Variants in PHEX observed in about 807,000 individuals in gnomAD.
PHEX encodes the protein phosphate regulating endopeptidase X-linked, also known as phosphate-regulating neutral endopeptidase PHEX.
In PHEX, 16 loss-of-function variants were observed where a neutral mutation model predicts 68.0. That is an observed-to-expected ratio of 0.24 (90% CI 0.16 to 0.36). PHEX has a LOEUF of 0.36. Among genes scored for constraint, PHEX ranks in the 10% least tolerant of loss-of-function variants. PHEX has a pLI of 1.00. For missense variants in PHEX, 480 were observed against 575.5 expected, an observed-to-expected ratio of 0.83 and a Z score of 1.70; for synonymous variants, 208 against 205.1, an observed-to-expected ratio of 1.01 and a Z score of -0.12.
At chrX:22,247,146 A>G (rs1936415929) in intron 21 of PHEX, among the ~76,000 whole-genome samples, 1 of 112,559 alleles carries the variant, frequency 8.9e-6, no homozygotes, top group African/African-American at 3.2e-5. Context: ...GATACCATTC[A>G]TTAATTGACT....
intron 12 of PHEX, among the ~76,000 whole-genome samples, chrX:22,152,759 A>G (rs1439915845): frequency 8.9e-6 from 1 of 111,804 alleles, no homozygotes; most frequent in Non-Finnish European, 1.9e-5. Flanking sequence ...TACCCAGGGG[A>G]GTCTTCAGGA....
intron 12 of PHEX, among the ~76,000 whole-genome samples, chrX:22,138,022 A>G (rs966370249): frequency 3.6e-5 from 4 of 112,132 alleles, no homozygotes; most frequent in African/African-American, 9.7e-5. Flanking sequence ...AGCTTTTCCA[A>G]TGGGCTAGAG....
intron 12 of PHEX, among the ~76,000 whole-genome samples, chrX:22,164,456 T>C (rs942716869): frequency 2.7e-5 from 3 of 111,571 alleles, no homozygotes; most frequent in African/African-American, 6.5e-5. Flanking sequence ...TGATGCTCAA[T>C]AAATAATAAA....
chrX:22,033,167 G>T (rs1926879343), intron 1 of PHEX, 44 bp downstream of exon 1: 3 of 968,637 alleles, frequency 3.1e-6, no homozygotes, highest in Non-Finnish European at 4.5e-6. Flanking sequence ...TGTGTGTCGA[G>T]AAGTTTCCTT....
At chrX:22,201,663 C>T (rs1219563807) in intron 15 of PHEX, among the ~76,000 whole-genome samples, 1 of 111,739 alleles carries the variant, frequency 8.9e-6, no homozygotes, top group Non-Finnish European at 1.9e-5. Flanking sequence ...TCATGGGATT[C>T]CTGTTACCAT....
intron 15 of PHEX, among the ~76,000 whole-genome samples, chrX:22,203,729 C>T (rs1431937076): frequency 9.0e-6 from 1 of 111,379 alleles, no homozygotes; most frequent in African/African-American, 3.3e-5. Flanking sequence ...GCAATTTAAA[C>T]TCTTTTTGTT....
In PHEX at chrX:22,228,124, AGTTTAATAGGCTCTT is replaced by A. The variant is rs759636922; in HGVS notation, c.2070+515_2070+529del. Among the ~76,000 whole-genome samples, 5 of 112,158 alleles carry A rather than the reference AGTTTAATAGGCTCTT, an allele frequency of 4.5e-5. No homozygotes were observed. In the East Asian group the frequency reaches 1.4e-3, roughly 31 times the overall value. On this transcript the variant is annotated intron_variant, in intron 20 of 21. Coordinates refer to ENST00000379374, the MANE Select transcript of PHEX (RefSeq NM_000444.6). Reference sequence around the variant, plus strand: ...AGGAGAGTCATGTCACTCTTTTGTGAGTTTAATAGGCTCTTGGAGCAGAAATTGAAAGGAAGATGT... The same window carrying A: ...AGGAGAGTCATGTCACTCTTTTGTGAGGAGCAGAAATTGAAAGGAAGATGT...
chrX:22,068,029 G>T (rs947317476), intron 3 of PHEX, among the ~76,000 whole-genome samples: 2 of 109,877 alleles, frequency 1.8e-5, no homozygotes, highest in African/African-American at 6.6e-5. Context: ...GTAGAGATGG[G>T]GTTTTACCAT....
rs375559951 is a variant in PHEX at position 22,097,053 on chromosome X, T to C, written c.933+15T>C. ...TGATTCCCCAGGTTGGTGAAAACTA[T>C]CCAGAAAACTTTCTCTCAACTCATC... On this transcript the variant is annotated intron_variant, in intron 8 of 21. Coordinates refer to ENST00000379374, the MANE Select transcript of PHEX (RefSeq NM_000444.6). 1.7e-5 allele frequency: 19 copies of C among 1,099,879 alleles called. No homozygotes were observed. Among genetic ancestry groups the C allele is most frequent in the Non-Finnish European group, 2.4e-5 (19 of 794,415 alleles). 90.6% of individuals were successfully genotyped at this position (1,099,879 alleles called of 1,213,427 possible).
chrX:22,112,592 C>T (rs1047529380), intron 10 of PHEX, among the ~76,000 whole-genome samples: 5 of 111,251 alleles, frequency 4.5e-5, no homozygotes, highest in African/African-American at 1.6e-4. Context: ...TGCTTTGACC[C>T]TATAAAGTCA....
intron 14 of PHEX, among the ~76,000 whole-genome samples, chrX:22,188,940 C>G (rs758839411): frequency 9.8e-5 from 11 of 112,148 alleles, no homozygotes; most frequent in African/African-American, 2.9e-4. Flanking sequence ...TGGTAACCAT[C>G]CTTCTACTCT....
intron 12 of PHEX, among the ~76,000 whole-genome samples, chrX:22,150,771 A>G (rs899151476): frequency 3.6e-5 from 4 of 112,258 alleles, no homozygotes; most frequent in African/African-American, 1.3e-4. Context: ...AGGTTACTCA[A>G]TGGCTTTGTT....
At chrX:22,236,134 G>A (rs1935970493) in intron 20 of PHEX, among the ~76,000 whole-genome samples, 1 of 111,390 alleles carries the variant, frequency 9.0e-6, no homozygotes, top group African/African-American at 3.3e-5. Flanking sequence ...CTTCTATAAT[G>A]CAACCCTTCC....
At chrX:22,035,197 C>T (rs978887765) in intron 1 of PHEX, among the ~76,000 whole-genome samples, 8 of 111,716 alleles carry the variant, frequency 7.2e-5, no homozygotes, top group South Asian at 3.8e-4. Flanking sequence ...AATCTCTCCT[C>T]GCAACCTTAG....
At chrX:22,171,759 A>G (rs889981758) in intron 13 of PHEX, 6 of 112,206 alleles carry the variant, frequency 5.3e-5, no homozygotes, top group African/African-American at 1.9e-4. Context: ...CTGGTACACA[A>G]TGAGACTGTT....
intron 11 of PHEX, among the ~76,000 whole-genome samples, chrX:22,131,161 T>C (rs1358098901): frequency 2.7e-5 from 3 of 110,619 alleles, no homozygotes; most frequent in African/African-American, 9.9e-5. Flanking sequence ...TGCCTCAGCC[T>C]CCTGAGTAGC....
chrX:22,041,121 G>T (rs1426678444), intron 2 of PHEX, among the ~76,000 whole-genome samples: 1 of 108,908 alleles, frequency 9.2e-6, no homozygotes, highest in African/African-American at 3.4e-5. Context: ...TTGGGCAGTG[G>T]TGTTTATTGA....
chrX:22,212,504 G>A (rs1423672689), intron 15 of PHEX, among the ~76,000 whole-genome samples: 3 of 111,726 alleles, frequency 2.7e-5, no homozygotes, highest in Non-Finnish European at 5.6e-5. Flanking sequence ...AGTGGCAGGA[G>A]AAGATTAAAC....
rs769336836 is a variant in PHEX at position 22,133,543 on chromosome X, C to T, written c.1323C>T (p.Gly441=). ...TGTAGATGGAGGAATTGGTTGAGGG[C>T]GTTCGCTGGGCCTTTATTGACATGC... ...KKEMMEELVE[G]VRWAFIDMLE... Residue 441 remains glycine, a synonymous_variant, in exon 12 of 22, where the codon GGC becomes GGT. Coordinates refer to ENST00000379374, the MANE Select transcript of PHEX (RefSeq NM_000444.6). 6 of 1,206,336 alleles carry T rather than the reference C, an allele frequency of 5.0e-6. No individual in the cohort carries two copies. The highest frequency in any genetic ancestry group is 4.6e-4 in the Middle Eastern group (2 of 4,342).
Sources: gnomAD v4.1 joint callset for allele counts (sites outside exome capture counted in the v4.1 genomes callset) on GRCh38, gnomAD v4.1.1 for gene constraint, MANE v1.5 for transcripts, NCBI Gene and HGNC (gene_info 2026-07-23, HGNC 2026-07-21) for gene names.